Variants in COL24A1 observed in about 807,000 individuals in gnomAD.
The protein encoded by COL24A1 is collagen type XXIV alpha 1 chain, also known as collagen alpha-1(XXIV) chain.
A neutral mutation model predicts 253.9 loss-of-function variants in COL24A1; 224 were observed. That is an observed-to-expected ratio of 0.88 (90% CI 0.79 to 0.99). The LOEUF (loss-of-function observed/expected upper bound fraction) is 0.99, where lower values mean the gene tolerates loss of function less well. COL24A1 is among the 50% of genes least tolerant of loss of function. COL24A1 has a pLI of 0.00. For missense variants in COL24A1, 2,131 were observed against 2,068.5 expected, an observed-to-expected ratio of 1.03 and a Z score of -0.59; for synonymous variants, 685 against 673.7, an observed-to-expected ratio of 1.02 and a Z score of -0.26.
chr1:85,999,150 A>C (rs1241796696), intron 19 of COL24A1, among the ~76,000 whole-genome samples: 13 of 152,192 alleles, frequency 8.5e-5, no homozygotes, highest in Non-Finnish European at 1.5e-4. Context: ...ATGGCAATGA[A>C]TATGTAAACC....
chr1:85,776,062 T>C (rs1036047623), intron 52 of COL24A1, among the ~76,000 whole-genome samples: 4 of 152,206 alleles, frequency 2.6e-5, no homozygotes, highest in Non-Finnish European at 5.9e-5. Flanking sequence ...TTCTAATAAT[T>C]GTTTTTCTTA....
intron 42 of COL24A1, among the ~76,000 whole-genome samples, chr1:85,839,157 C>T (rs892600941): frequency 6.6e-6 from 1 of 152,142 alleles, no homozygotes; most frequent in African/African-American, 2.4e-5. Flanking sequence ...CATGTTTGCA[C>T]CACTGCTCTC....
chr1:85,802,267 C>T (rs1277654361), intron 47 of COL24A1, among the ~76,000 whole-genome samples: 1 of 152,176 alleles, frequency 6.6e-6, no homozygotes, highest in Non-Finnish European at 1.5e-5. Flanking sequence ...TTAATACGTC[C>T]TTCAATAGCC....
chr1:86,130,046 G>T (rs548692898), intron 2 of COL24A1, among the ~76,000 whole-genome samples: 28 of 151,878 alleles, frequency 1.8e-4, no homozygotes, highest in African/African-American at 4.6e-4. Flanking sequence ...TGGTTTTTAT[G>T]CATAGATAAT....
At chr1:85,771,188 G>C (rs777899877) in intron 53 of COL24A1, among the ~76,000 whole-genome samples, 1 of 152,108 alleles carries the variant, frequency 6.6e-6, no homozygotes, top group African/African-American at 2.4e-5. Context: ...GTGCCATGGT[G>C]GTTTGCTGCA....
chr1:85,920,406 C>A (rs1320246716), intron 24 of COL24A1, among the ~76,000 whole-genome samples: 1 of 152,134 alleles, frequency 6.6e-6, no homozygotes, highest in Non-Finnish European at 1.5e-5. Flanking sequence ...TTGTCTGGGA[C>A]ACAGAATATG....
intron 3 of COL24A1, among the ~76,000 whole-genome samples, chr1:86,117,897 T>TA (rs1466772849): frequency 6.6e-6 from 1 of 152,200 alleles, no homozygotes; most frequent in African/African-American, 2.4e-5. Context: ...TGAATAACCT[T>TA]AGACAAGTCA....
chr1:86,063,403 A>G (rs915236893), intron 8 of COL24A1, among the ~76,000 whole-genome samples: 1 of 151,322 alleles, frequency 6.6e-6, no homozygotes, highest in Non-Finnish European at 1.5e-5. Flanking sequence ...ATGGATATGT[A>G]TATTTTCTGG....
intron 5 of COL24A1, among the ~76,000 whole-genome samples, chr1:86,100,595 T>C (rs12044349): frequency 0.47 from 70,680 of 151,866 alleles, 17,320 homozygotes; most frequent in Non-Finnish European, 0.53. Context: ...ACACCAGAGT[T>C]TATGCTAATA....
chr1:85,758,955 A>C lies in COL24A1; in HGVS notation c.4437+2441T>G, dbSNP rs531723300. Among the ~76,000 whole-genome samples the C allele has an allele frequency of 7.9e-5, 12 of 150,962 alleles. No homozygotes were observed. The South Asian group carries it at 2.3e-3, about 29-fold the overall frequency. On this transcript the variant is annotated intron_variant, in intron 55 of 59. Transcript: ENST00000370571. ...GAATTTCAGAGCATTTTAATCACCC[A>C]AAAAGAAACTCCATATCTATTAAGC...
intron 51 of COL24A1, among the ~76,000 whole-genome samples, chr1:85,782,407 T>G (rs868372543): frequency 6.6e-6 from 1 of 152,206 alleles, no homozygotes; most frequent in African/African-American, 2.4e-5. Context: ...TTTTTTAAAA[T>G]TATACTTTAA....
chr1:86,136,224 A>C (rs535020793), intron 2 of COL24A1, among the ~76,000 whole-genome samples: 1 of 152,096 alleles, frequency 6.6e-6, no homozygotes, highest in East Asian at 1.9e-4. Context: ...ATCTGTGCTT[A>C]TTTATTATAC....
rs999744527 is a variant in COL24A1, at chr1:86,065,024, A to G, written c.1708-1265T>C. On this transcript the variant is annotated intron_variant, in intron 7 of 59. Transcript: ENST00000370571. The stretch of plus-strand genomic sequence containing the variant: ...ACAAAGCTAAGTTTTTTCACTTTTT[A>G]CAACAGGAGATAAGAAACATCCTCA... Among the ~76,000 whole-genome samples the G allele has an allele frequency of 3.3e-5, 5 of 152,146 alleles. No individual in the cohort carries two copies. In the East Asian group the frequency reaches 9.6e-4, roughly 29 times the overall value.
At chr1:86,140,994 CAT>C (rs1557797853) in intron 2 of COL24A1, among the ~76,000 whole-genome samples, 1 of 152,168 alleles carries the variant, frequency 6.6e-6, no homozygotes, top group African/African-American at 2.4e-5. Context: ...TGACAAATCA[CAT>C]AGATGCTTAT....
At chr1:86,036,229 C>T (rs1462194697) in intron 12 of COL24A1, among the ~76,000 whole-genome samples, 2 of 151,968 alleles carry the variant, frequency 1.3e-5, no homozygotes, top group Non-Finnish European at 2.9e-5. Context: ...TCAAGTGATA[C>T]CTCCTGCCTC....
chr1:85,925,492 A>T (rs1354972687), intron 24 of COL24A1, among the ~76,000 whole-genome samples: 1 of 152,204 alleles, frequency 6.6e-6, no homozygotes, highest in African/African-American at 2.4e-5. Context: ...TCAATGGAAC[A>T]GAACAGAGCC....
chr1:85,912,417 T>C (rs185757973), intron 24 of COL24A1, among the ~76,000 whole-genome samples: 1 of 152,318 alleles, frequency 6.6e-6, no homozygotes, highest in African/African-American at 2.4e-5. Context: ...GCAGTTACTT[T>C]CTACTTTTAT....
At chr1:85,926,960 A>C (rs186558779) in intron 24 of COL24A1, among the ~76,000 whole-genome samples, 1 of 152,314 alleles carries the variant, frequency 6.6e-6, no homozygotes, top group East Asian at 1.9e-4. Context: ...ATTAAGACAA[A>C]TTCATAGAAT....
At chr1:85,980,737 T>C (rs1159613042) in intron 20 of COL24A1, among the ~76,000 whole-genome samples, 5 of 151,976 alleles carry the variant, frequency 3.3e-5, no homozygotes, top group African/African-American at 1.2e-4. Context: ...TGAAACCCCG[T>C]CTCTACTAAA....
Sources: gnomAD v4.1 joint callset for allele counts (sites outside exome capture counted in the v4.1 genomes callset) on GRCh38, gnomAD v4.1.1 for gene constraint, MANE v1.5 for transcripts, NCBI Gene and HGNC (gene_info 2026-07-23, HGNC 2026-07-21) for gene names.